AKR1B10: variants seen among roughly 807,000 people sequenced by gnomAD.
AKR1B10 encodes aldo-keto reductase family 1 member B10, also known as ARP.
In AKR1B10, 39 loss-of-function variants were observed where a neutral mutation model predicts 38.9. The ratio of observed to expected loss-of-function variants is 1.00; its 90% CI spans 0.78 to 1.31. AKR1B10 has a LOEUF of 1.31. AKR1B10 is among the 50% of genes most tolerant of loss of function. The pLI is 0.00. For synonymous variants in AKR1B10, 148 were observed against 141.2 expected (o/e 1.05, Z -0.34); for missense variants, 361 against 382.6 (o/e 0.94, Z 0.47).
rs1431714651 is a variant in AKR1B10, at chr7:134,541,308, A to C, written c.*219A>C. 3 of 487,684 alleles carry C rather than the reference A, an allele frequency of 6.2e-6. No homozygotes were observed. The South Asian group carries it at 7.7e-5, about 13-fold the overall frequency. The allele number at this position is 487,684 out of a possible 1,614,324, so 30.2% of individuals were successfully genotyped here. ...AGCATGGCTTGAATAAGGAAATGAC[A>C]ATTTTTTCCACTTATCTGATCAGAA... On this transcript the variant is annotated 3_prime_UTR_variant, in exon 10 of 10. Coordinates refer to ENST00000359579, the MANE Select transcript of AKR1B10 (RefSeq NM_020299.5).
At chr7:134,532,686 G>C (rs1807893771) in intron 3 of AKR1B10, among the ~76,000 whole-genome samples, 2 of 152,188 alleles carry the variant, frequency 1.3e-5, no homozygotes, top group Admixed American at 1.3e-4. Context: ...TCCTTATCCA[G>C]TAATATTGAA....
intron 7 of AKR1B10, 114 bp from the exon 8 acceptor site, chr7:134,538,080 A>G (rs1426141945): frequency 7.1e-6 from 7 of 982,890 alleles, no homozygotes; most frequent in Non-Finnish European, 8.2e-6. Context: ...CTCAGTAATT[A>G]TTAGCGATTG....
rs542446897 is a variant in AKR1B10, at chr7:134,539,205, TTGTC to T, written c.908+191_908+194del. On this transcript the variant is annotated intron_variant, in intron 9 of 9. Transcript: ENST00000359579. Reference sequence around the variant, plus strand: ...GGGACACATCTCTAATTGCTGCTCATTGTCTGAACTTCTGGATGTAGAGCTAGAA... The same window carrying T: ...GGGACACATCTCTAATTGCTGCTCATTGAACTTCTGGATGTAGAGCTAGAA... 5.5e-5 allele frequency: 35 copies of T among 642,138 alleles called. No homozygotes were observed. The East Asian group carries it at 6.4e-4, about 12-fold the overall frequency. The allele number at this position is 642,138 out of a possible 1,614,324, so 39.8% of individuals were successfully genotyped here. A position where few individuals can be genotyped will look rare whatever the true frequency, so the allele number is the denominator to read the frequency against.
rs775296574 is a variant in AKR1B10 at position 134,539,037 on chromosome 7, C to T, written c.908+20C>T. ...GTTGCAGTAAGTGGCATGGAGTTAA[C>T]TAGAAGCATTGCCAGGAGTTTTTCT... is the stretch of plus-strand genomic sequence containing the variant. On this transcript the variant is annotated intron_variant, in intron 9 of 9. Coordinates refer to ENST00000359579, the MANE Select transcript of AKR1B10 (RefSeq NM_020299.5). 6.2e-7 allele frequency: 1 copy of T among 1,613,792 alleles called. No homozygotes were observed. Among genetic ancestry groups the T allele is most frequent in the South Asian group, 1.1e-5 (1 of 91,040 alleles).
intron 6 of AKR1B10, among the ~76,000 whole-genome samples, 190 bp downstream of exon 6, chr7:134,537,347 G>A (rs536111657): frequency 1.6e-4 from 24 of 152,228 alleles, no homozygotes; most frequent in Non-Finnish European, 3.1e-4. Flanking sequence ...CACCAAGGGC[G>A]ACATGCTTGA....
Position 134,533,354 on chromosome 7 carries a change from T to C in AKR1B10, c.429+273T>C, listed in dbSNP as rs3778827. On this transcript the variant is annotated intron_variant, in intron 4 of 9. Transcript: ENST00000359579. ...GCTGTTCTCAAACCAGGGCGAGGCA[T>C]TTGGAACAGGAGGTTTGGGCCTGGG... is the stretch of plus-strand genomic sequence containing the variant. Among the ~76,000 whole-genome samples, 9 of 152,248 alleles carry C rather than the reference T, an allele frequency of 5.9e-5. No homozygotes were observed. The East Asian group carries it at 1.7e-3, about 29-fold the overall frequency.
intron 8 of AKR1B10, among the ~76,000 whole-genome samples, chr7:134,538,486 A>T (rs782881): frequency 6.6e-6 from 1 of 151,904 alleles, no homozygotes; most frequent in South Asian, 2.1e-4. Context: ...GTGCCTGGTA[A>T]AGCCCTATCA....
In AKR1B10 at chr7:134,528,127, T is replaced by C. The variant is rs1254006205; in HGVS notation, c.66+150T>C. On this transcript the variant is annotated intron_variant, in intron 1 of 9. Coordinates refer to ENST00000359579, the MANE Select transcript of AKR1B10 (RefSeq NM_020299.5). ...GAGCCAGGACTTAGGTTGCTTTCTT[T>C]TCTCAGAGCTGATTCAGGCTGCAAA... The C allele has an allele frequency of 1.3e-5, 14 of 1,041,660 alleles. No individual in the cohort carries two copies. The East Asian group carries it at 3.7e-4, about 27-fold the overall frequency. The allele number at this position is 1,041,660 out of a possible 1,614,324, so 64.5% of individuals were successfully genotyped here.
At chr7:134,532,519 T>C (rs139123564) in intron 3 of AKR1B10, among the ~76,000 whole-genome samples, 1,656 of 152,146 alleles carry the variant, frequency 0.011, 34 homozygotes, top group African/African-American at 0.037. Context: ...TCTTACCTGC[T>C]CCTGAGGGGT....
In AKR1B10 at chr7:134,532,037, C is replaced by T. The variant is rs1220877746; in HGVS notation, c.351+13C>T. On this transcript the variant is annotated intron_variant, in intron 3 of 9. Coordinates refer to ENST00000359579, the MANE Select transcript of AKR1B10 (RefSeq NM_020299.5). ...ACAGGGATTCAAGGTTTAAGACACT[C>T]TCTTTCTCAGCCTCTAGTTTCTGAG... 2 of 1,613,580 alleles carry T rather than the reference C, an allele frequency of 1.2e-6. No individual in the cohort carries two copies. Among genetic ancestry groups the T allele is most frequent in the Admixed American group, 3.3e-5 (2 of 60,016 alleles).
intron 4 of AKR1B10, among the ~76,000 whole-genome samples, 173 bp from the exon 5 acceptor site, chr7:134,536,477 G>C (rs1361059287): frequency 6.6e-6 from 1 of 152,194 alleles, no homozygotes. Flanking sequence ...CAGTAGGGCT[G>C]GAACCAGTCA....
intron 9 of AKR1B10, among the ~76,000 whole-genome samples, chr7:134,540,316 C>A (rs1180034884): frequency 6.6e-6 from 1 of 152,140 alleles, no homozygotes; most frequent in Non-Finnish European, 1.5e-5. Flanking sequence ...AGCCTTTCCT[C>A]ATCTTACAAT....
At chr7:134,535,585 CTTTT>C (rs58628862) in intron 4 of AKR1B10, 900 of 409,606 alleles carry the variant, frequency 2.2e-3, no homozygotes, top group Middle Eastern at 4.0e-3. Flanking sequence ...TCTTTTCTGT[CTTTT>C]TTTTTTTTTT....
Position 134,538,924 on chromosome 7 carries a change from T to C in AKR1B10, c.826-11T>C, listed in dbSNP as rs1187820580. Reference sequence around the variant, plus strand: ...CTTACTGATGATGTATTGGAACTCCTACCTTTCCAGGTCTTTGACTTTAAA... The same window carrying C: ...CTTACTGATGATGTATTGGAACTCCCACCTTTCCAGGTCTTTGACTTTAAA... On this transcript the variant is annotated splice_polypyrimidine_tract_variant and intron_variant, in intron 8 of 9. Coordinates refer to ENST00000359579, the MANE Select transcript of AKR1B10 (RefSeq NM_020299.5). The C allele has an allele frequency of 1.2e-6, 2 of 1,614,048 alleles. No homozygotes were observed. Among genetic ancestry groups the C allele is most frequent in the South Asian group, 2.2e-5 (2 of 91,066 alleles).
chr7:134,531,425 A>G (rs1807852852), intron 2 of AKR1B10, among the ~76,000 whole-genome samples: 3 of 152,146 alleles, frequency 2.0e-5, no homozygotes, highest in Admixed American at 2.0e-4. Context: ...GGACAAATAG[A>G]CCTCACTGTG....
In AKR1B10 at chr7:134,531,915, C is replaced by T. The variant is rs769711685; in HGVS notation, c.242C>T (p.Pro81Leu). The change falls in exon 3 of 10, where the codon CCC (proline) becomes CTC (leucine). Residue 81 changes from proline (P) to leucine (L), a missense_variant. Pro to Leu is a moderately conservative substitution (Grantham distance 98). Coordinates refer to ENST00000359579, the MANE Select transcript of AKR1B10 (RefSeq NM_020299.5). ...EDLFIVSKLWPTFFERPLVRK... is the reference protein window; with the variant it reads ...EDLFIVSKLWLTFFERPLVRK... ...TTGCTACACTCTTTGCAGTTGTGGCCCACTTTCTTTGAGAGACCCCTTGTG... is the reference window on the plus strand; with the variant it reads ...TTGCTACACTCTTTGCAGTTGTGGCTCACTTTCTTTGAGAGACCCCTTGTG... The T allele has an allele frequency of 6.2e-7, 1 of 1,614,020 alleles. No homozygotes were observed. Among genetic ancestry groups the T allele is most frequent in the Non-Finnish European group, 8.5e-7 (1 of 1,179,948 alleles).
At position 134,530,693 on chromosome 7, in the gene AKR1B10, A is replaced by G. The variant is rs139075064; in HGVS notation, c.117A>G (p.Gly39=). ...KEAVKVAIDA[G]YRHIDCAYVY... is the part of the protein sequence containing the mutation. ...CAGTGAAGGTGGCCATTGATGCAGG[A>G]TATCGGCACATTGACTGTGCCTATG... Residue 39 remains glycine, a synonymous_variant, in exon 2 of 10, where the codon GGA becomes GGG. Coordinates refer to ENST00000359579, the MANE Select transcript of AKR1B10 (RefSeq NM_020299.5). 328 of 1,614,006 alleles carry G rather than the reference A, an allele frequency of 2.0e-4. No homozygotes were observed. The highest frequency in any genetic ancestry group is 2.7e-4 in the Non-Finnish European group (318 of 1,179,994).
chr7:134,537,272 A>G (rs1325491292), intron 6 of AKR1B10, 115 bp downstream of exon 6: 1 of 1,454,246 alleles, frequency 6.9e-7, no homozygotes, highest in East Asian at 2.5e-5. Flanking sequence ...TGTGTAAGGT[A>G]ACACGTTTGG....
intron 6 of AKR1B10, 129 bp from the exon 7 acceptor site, chr7:134,537,451 C>G (rs559530681): frequency 1.4e-4 from 172 of 1,244,618 alleles, no homozygotes; most frequent in South Asian, 1.0e-3. Context: ...ACCCAAGCTT[C>G]CAGGTCCTCC....
Sources: allele counts gnomAD v4.1 joint callset (sites outside exome capture counted in the v4.1 genomes callset), GRCh38; gene constraint gnomAD v4.1.1; transcripts MANE v1.5; gene names NCBI Gene and HGNC (gene_info 2026-07-23, HGNC 2026-07-21).